Variants in HTR2C observed in about 807,000 individuals in gnomAD.
HTR2C encodes the protein 5-hydroxytryptamine receptor 2C, also known as 5-hydroxytryptamine (serotonin) receptor 2C, G protein-coupled.
In HTR2C, 5 loss-of-function variants were observed where a neutral mutation model predicts 21.0. The observed-to-expected ratio is 0.24, with a 90% CI of 0.12 to 0.50. HTR2C has a LOEUF of 0.50. Among genes scored for constraint, HTR2C ranks in the 20% least tolerant of loss-of-function variants. The pLI, the probability that HTR2C is intolerant of heterozygous loss-of-function variation, is 0.98. For synonymous variants in HTR2C, 150 were observed against 145.3 expected, an observed-to-expected ratio of 1.03 and a Z score of -0.23; for missense variants, 271 against 371.2, an observed-to-expected ratio of 0.73 and a Z score of 2.22.
At chrX:114,838,255 A>G (rs930783670) in intron 4 of HTR2C, among the ~76,000 whole-genome samples, 18 of 111,664 alleles carry the variant, frequency 1.6e-4, no homozygotes, top group Non-Finnish European at 3.2e-4. Context: ...TTGACACTGT[A>G]TTGTTTTATA....
chrX:114,596,991 G>A (rs1415225144), intron 1 of HTR2C, among the ~76,000 whole-genome samples: 1 of 110,299 alleles, frequency 9.1e-6, no homozygotes, highest in Non-Finnish European at 1.9e-5. Context: ...GCCAAGGTGG[G>A]CAGATCACAT....
rs1556399234 is a variant in HTR2C at position 114,613,819 on chromosome X, A to T, written c.-142A>T. On this transcript the variant is annotated 5_prime_UTR_variant, in exon 2 of 6. Coordinates refer to ENST00000276198, the MANE Select transcript of HTR2C (RefSeq NM_000868.4). The stretch of plus-strand genomic sequence containing the variant: ...TTTCTCAATGTTTGCTTTTAGGGTT[A>T]TCAGCTAACACCCGCGAGCATCTAT... 1 of 111,665 alleles carries T rather than the reference A, an allele frequency of 9.0e-6. No homozygotes were observed. The highest frequency in any genetic ancestry group is 9.6e-5 in the Admixed American group (1 of 10,437). The allele number at this position is 111,665 out of a possible 1,213,427, so 9.2% of individuals were successfully genotyped here. A position where few individuals can be genotyped will look rare whatever the true frequency, so the allele number is the denominator to read the frequency against.
chrX:114,652,640 T>G lies in HTR2C; in HGVS notation c.-80+38759T>G, dbSNP rs369955673. On this transcript the variant is annotated intron_variant, in intron 2 of 5. Transcript: ENST00000276198. ...ATATTCAACACATTGTGTTTCTCCA[T>G]GCCTGGCATATAGCAGGTCCTCAAT... The G allele has an allele frequency of 7.3e-4, 274 of 377,082 alleles. 2 individuals carry two copies. Among genetic ancestry groups the G allele is most frequent in the South Asian group, 4.0e-3 (168 of 41,568 alleles). The allele number at this position is 377,082 out of a possible 1,213,427, so 31.1% of individuals were successfully genotyped here.
chrX:114,675,868 C>CTTTTTTTTTTTT (rs1556412476), intron 2 of HTR2C, among the ~76,000 whole-genome samples: 15 of 94,304 alleles, frequency 1.6e-4, no homozygotes, highest in African/African-American at 1.9e-4. Context: ...TTTCTTTTTT[C>CTTTTTTTTTTTT]TTTTTTCTTT....
At chrX:114,638,849 A>G (rs964770771) in intron 2 of HTR2C, among the ~76,000 whole-genome samples, 18 of 107,984 alleles carry the variant, frequency 1.7e-4, no homozygotes, top group African/African-American at 6.0e-4. Flanking sequence ...TACAAAGGAC[A>G]TGAACTCATC....
At chrX:114,828,343 C>T (rs782423062) in intron 4 of HTR2C, among the ~76,000 whole-genome samples, 2 of 111,039 alleles carry the variant, frequency 1.8e-5, no homozygotes, top group Non-Finnish European at 3.8e-5. Context: ...CTATTCATTT[C>T]AAGAGAGGCC....
Position 114,906,844 on chromosome X carries a change from G to A in HTR2C, c.806G>A (p.Arg269Lys), listed in dbSNP as rs782442713. ...CTGGATTTCCTGAAGTGCTGCAAGA[G>A]GAATACGGCCGAGGAAGAGAACTCT... ...LSLDFLKCCK[R>K]NTAEEENSAN... Residue 269 changes from arginine (R) to lysine (K), a missense_variant, in exon 6 of 6, where the codon AGG becomes AAG. This residue lies in a region of HTR2C where 192 missense variants were observed against 247.2 expected (regional missense o/e 0.78). Transcript: ENST00000276198. 1.1e-5 allele frequency: 13 copies of A among 1,211,169 alleles called. No individual in the cohort carries two copies. The highest frequency in any genetic ancestry group is 2.2e-5 in the Admixed American group (1 of 45,922).
At chrX:114,620,541 T>C (rs1929116664) in intron 2 of HTR2C, among the ~76,000 whole-genome samples, 1 of 111,561 alleles carries the variant, frequency 9.0e-6, no homozygotes, top group Admixed American at 9.6e-5. Context: ...ATATGGAATA[T>C]ATATATTGAA....
In HTR2C at chrX:114,721,581, A is replaced by C. The variant is rs1933217695; in HGVS notation, c.-79-5277A>C. 2.8e-5 allele frequency among the ~76,000 whole-genome samples: 3 copies of C among 105,850 alleles called. No individual in the cohort carries two copies. In the South Asian group the frequency reaches 1.3e-3, roughly 47 times the overall value. The allele number at this position is 105,850 out of a possible 115,157, so 91.9% of individuals were successfully genotyped here. On this transcript the variant is annotated intron_variant, in intron 2 of 5. Coordinates refer to ENST00000276198, the MANE Select transcript of HTR2C (RefSeq NM_000868.4). Reference sequence around the variant, plus strand: ...CATTGCTTTTGGTGTTTTGGACATGAAGTCCTTGCCCATGCCTATGTGCTG... The same window carrying C: ...CATTGCTTTTGGTGTTTTGGACATGCAGTCCTTGCCCATGCCTATGTGCTG...
intron 4 of HTR2C, among the ~76,000 whole-genome samples, chrX:114,802,802 T>A (rs2070363084): frequency 9.7e-6 from 1 of 102,874 alleles, no homozygotes; most frequent in African/African-American, 3.5e-5. Flanking sequence ...ACATATGTAT[T>A]CATGTGCCAT....
At chrX:114,900,238 A>T (rs2071327767) in intron 5 of HTR2C, 1 of 127,820 alleles carries the variant, frequency 7.8e-6, no homozygotes, top group South Asian at 2.6e-4. Flanking sequence ...ATGCATTGTC[A>T]TCATTAATCA....
At chrX:114,673,347 T>C (rs979167390) in intron 2 of HTR2C, among the ~76,000 whole-genome samples, 2 of 111,755 alleles carry the variant, frequency 1.8e-5, no homozygotes, top group Admixed American at 1.9e-4. Context: ...ATTAGATGTA[T>C]ATGATATTAA....
intron 2 of HTR2C, among the ~76,000 whole-genome samples, chrX:114,628,821 T>TG (rs1204469313): frequency 8.9e-6 from 1 of 112,181 alleles, no homozygotes; most frequent in East Asian, 2.8e-4. Context: ...CATTTTGACG[T>TG]GTATGCACAC....
At chrX:114,684,931 A>T (rs1931863229) in intron 2 of HTR2C, among the ~76,000 whole-genome samples, 1 of 111,495 alleles carries the variant, frequency 9.0e-6, no homozygotes, top group Admixed American at 9.6e-5. Context: ...AAGTCTAGAC[A>T]GGTAAGAAGT....
chrX:114,625,222 GCA>G (rs1358599713), intron 2 of HTR2C, among the ~76,000 whole-genome samples: 2 of 111,505 alleles, frequency 1.8e-5, no homozygotes, highest in Non-Finnish European at 3.8e-5. Flanking sequence ...GCAGATGCTG[GCA>G]CTATGCTTCT....
At chrX:114,803,950 T>A (rs2070377626) in intron 4 of HTR2C, among the ~76,000 whole-genome samples, 1 of 111,894 alleles carries the variant, frequency 8.9e-6, no homozygotes, top group Non-Finnish European at 1.9e-5. Context: ...TTCAAATATT[T>A]AAAGGAACAC....
intron 2 of HTR2C, among the ~76,000 whole-genome samples, chrX:114,633,701 TTTGA>T (rs1243241456): frequency 2.7e-5 from 3 of 111,133 alleles, no homozygotes; most frequent in Non-Finnish European, 5.7e-5. Context: ...TCAAAATTTA[TTTGA>T]TTATTTCTTA....
intron 4 of HTR2C, among the ~76,000 whole-genome samples, chrX:114,799,241 TTTAAC>T (rs1469238696): frequency 9.0e-6 from 1 of 110,948 alleles, no homozygotes; most frequent in Admixed American, 9.7e-5. Flanking sequence ...ATGGAAAACT[TTTAAC>T]TTTATGTTCA....
In HTR2C at chrX:114,684,286, T is replaced by C. The variant is rs144378666; in HGVS notation, c.-79-42572T>C. ...TCTAAAATGGTTAGCTGACCGAGAC[T>C]AAAGAATTCAATAGAAATTATTAAC... is the stretch of plus-strand genomic sequence containing the variant. On this transcript the variant is annotated intron_variant, in intron 2 of 5. Transcript: ENST00000276198. Among the ~76,000 whole-genome samples, 649 of 112,017 alleles carry C rather than the reference T, an allele frequency of 5.8e-3. 5 individuals are homozygous for C. The highest frequency in any genetic ancestry group is 0.02 in the African/African-American group (614 of 30,940).
Sources: allele counts gnomAD v4.1 joint callset (sites outside exome capture counted in the v4.1 genomes callset), GRCh38; gene constraint gnomAD v4.1.1; regional missense constraint gnomAD v4.1.1; transcripts MANE v1.5; gene names NCBI Gene and HGNC (gene_info 2026-07-23, HGNC 2026-07-21).